The following TBC1D5 variants were observed in gnomAD, a reference collection of about 807,000 sequenced individuals.
TBC1D5 encodes the protein TBC1 domain family, member 5.
A neutral mutation model predicts 100.3 loss-of-function variants in TBC1D5; 75 were observed. The ratio of observed to expected loss-of-function variants is 0.75; its 90% CI spans 0.62 to 0.91. The LOEUF (loss-of-function observed/expected upper bound fraction) is 0.91, where lower values mean the gene tolerates loss of function less well. TBC1D5 is among the 40% of genes least tolerant of loss of function. TBC1D5 has a pLI of 0.00. For synonymous variants in TBC1D5, 323 were observed against 325.6 expected (o/e 0.99, Z 0.09); for missense variants, 910 against 942.4 (o/e 0.97, Z 0.45).
chr3:17,597,946 T>G (rs1456073199), intron 2 of TBC1D5, among the ~76,000 whole-genome samples: 1 of 152,192 alleles, frequency 6.6e-6, no homozygotes, highest in Non-Finnish European at 1.5e-5. Context: ...AGGCTCAAGC[T>G]CTGGATACCA....
chr3:17,521,964 A>G (rs2096068356), intron 2 of TBC1D5, among the ~76,000 whole-genome samples: 1 of 152,148 alleles, frequency 6.6e-6, no homozygotes, highest in African/African-American at 2.4e-5. Flanking sequence ...AGAAACTTCT[A>G]TTAACTTGGA....
intron 3 of TBC1D5, among the ~76,000 whole-genome samples, chr3:17,473,889 C>CTT (rs60817133): frequency 4.8e-5 from 7 of 144,652 alleles, no homozygotes; most frequent in East Asian, 2.0e-4. Context: ...TTTTACTTTA[C>CTT]TTTTTTTTTT....
At chr3:17,625,160 T>G (rs1018254747) in intron 1 of TBC1D5, among the ~76,000 whole-genome samples, 2 of 152,080 alleles carry the variant, frequency 1.3e-5, no homozygotes, top group African/African-American at 4.8e-5. Flanking sequence ...TGGTTAAATA[T>G]TCCACCTATA....
At chr3:17,656,553 A>G (rs2066081637) in intron 1 of TBC1D5, among the ~76,000 whole-genome samples, 1 of 152,162 alleles carries the variant, frequency 6.6e-6, no homozygotes, top group African/African-American at 2.4e-5. Context: ...TCAGATTCCC[A>G]TGAAAGCCCC....
chr3:17,607,518 G>A lies in TBC1D5; in HGVS notation c.-36+16331C>T, dbSNP rs1359347677. ...GAAACCTGCAGTTCTCAGAGATTGCGAAGGAAACAAATCAAGGTTGAGCTT... is the reference window on the plus strand; with the variant it reads ...GAAACCTGCAGTTCTCAGAGATTGCAAAGGAAACAAATCAAGGTTGAGCTT... On this transcript the variant is annotated intron_variant, in intron 2 of 21. Coordinates refer to ENST00000253692, the Ensembl canonical transcript of TBC1D5. Among the ~76,000 whole-genome samples, 65 of 150,012 alleles carry A rather than the reference G, an allele frequency of 4.3e-4. 1 individual carries two copies. Among genetic ancestry groups the A allele is most frequent in the Admixed American group, 4.1e-3 (62 of 15,076 alleles).
At position 17,537,087 on chromosome 3, in the gene TBC1D5, T is replaced by C. The variant is rs182343004; in HGVS notation, c.-35-28482A>G. 2.2e-3 allele frequency among the ~76,000 whole-genome samples: 334 copies of C among 152,348 alleles called. 2 individuals are homozygous for C. Among genetic ancestry groups the C allele is most frequent in the Admixed American group, 4.0e-3 (61 of 15,302 alleles). ...TAAAAAAGATGGCTTTGCAGTGCCA[T>C]TTCAATCTGATGGCCTTATGGCAGC... On this transcript the variant is annotated intron_variant, in intron 2 of 21. Coordinates refer to ENST00000253692, the Ensembl canonical transcript of TBC1D5.
At chr3:17,290,099 C>T (rs761629664) in intron 15 of TBC1D5, among the ~76,000 whole-genome samples, 3 of 152,088 alleles carry the variant, frequency 2.0e-5, no homozygotes, top group Non-Finnish European at 4.4e-5. Context: ...TATTATGTCC[C>T]AGGAATATCA....
intron 17 of TBC1D5, among the ~76,000 whole-genome samples, chr3:17,220,943 GTTTGGA>G (rs2074213350): frequency 6.6e-6 from 1 of 152,078 alleles, no homozygotes; most frequent in African/African-American, 2.4e-5. Flanking sequence ...TCTCTTCAAA[GTTTGGA>G]TTATTGACTT....
At chr3:17,549,025 G>A (rs1213522655) in intron 2 of TBC1D5, among the ~76,000 whole-genome samples, 8 of 152,174 alleles carry the variant, frequency 5.3e-5, no homozygotes, top group Admixed American at 2.0e-4. Flanking sequence ...TGGCCAGGCA[G>A]GGTGGCTCAT....
chr3:17,382,646 A>G (rs777776580), intron 9 of TBC1D5, among the ~76,000 whole-genome samples: 5 of 151,558 alleles, frequency 3.3e-5, no homozygotes, highest in African/African-American at 1.2e-4. Context: ...CTGCAGCCTC[A>G]AACTCCTGGT....
intron 2 of TBC1D5, among the ~76,000 whole-genome samples, chr3:17,546,176 G>A (rs1399285142): frequency 6.6e-6 from 1 of 152,036 alleles, no homozygotes; most frequent in African/African-American, 2.4e-5. Flanking sequence ...AGCAGTGAGG[G>A]TACAAATTGA....
At chr3:17,396,329 T>C (rs994957573) in intron 8 of TBC1D5, among the ~76,000 whole-genome samples, 2 of 152,054 alleles carry the variant, frequency 1.3e-5, no homozygotes, top group South Asian at 4.1e-4. Flanking sequence ...TTTTTTTTTC[T>C]CTTTAACATT....
intron 14 of TBC1D5, among the ~76,000 whole-genome samples, chr3:17,305,969 A>G (rs1408002934): frequency 1.3e-5 from 2 of 152,176 alleles, no homozygotes; most frequent in African/African-American, 4.8e-5. Context: ...ATCACTTACC[A>G]TAGGAAGACT....
At chr3:17,496,511 T>C (rs535024198) in intron 3 of TBC1D5, among the ~76,000 whole-genome samples, 1 of 152,146 alleles carries the variant, frequency 6.6e-6, no homozygotes, top group Non-Finnish European at 1.5e-5. Flanking sequence ...CAATAGGCTA[T>C]ATAAACTATT....
intron 1 of TBC1D5, among the ~76,000 whole-genome samples, chr3:17,663,268 T>TTTAAAATGG (rs146780908): frequency 0.57 from 86,214 of 151,100 alleles, 25,401 homozygotes; most frequent in East Asian, 0.99. Context: ...TACATAAAAA[T>TTTAAAATGG]TTATATGACC....
At chr3:17,229,907 T>C (rs1378998611) in intron 17 of TBC1D5, among the ~76,000 whole-genome samples, 1 of 152,166 alleles carries the variant, frequency 6.6e-6, no homozygotes, top group Non-Finnish European at 1.5e-5. Context: ...TCTGATCTTG[T>C]TTTCAGTCCA....
At chr3:17,524,375 A>G (rs2096103773) in intron 2 of TBC1D5, among the ~76,000 whole-genome samples, 1 of 152,226 alleles carries the variant, frequency 6.6e-6, no homozygotes, top group African/African-American at 2.4e-5. Context: ...CAAAATTACT[A>G]ATGCATCTAA....
intron 16 of TBC1D5, among the ~76,000 whole-genome samples, chr3:17,256,030 G>C (rs748160309): frequency 6.6e-6 from 1 of 151,892 alleles, no homozygotes; most frequent in African/African-American, 2.4e-5. Context: ...AGCGAGACTC[G>C]GTCTCAAAAA....
At chr3:17,273,092 TA>T (rs2079600068) in intron 15 of TBC1D5, among the ~76,000 whole-genome samples, 1 of 152,184 alleles carries the variant, frequency 6.6e-6, no homozygotes, top group East Asian at 1.9e-4. Context: ...ATGCGTACCC[TA>T]AATATGTAAA....
Sources: gnomAD v4.1 joint callset for allele counts (sites outside exome capture counted in the v4.1 genomes callset) on GRCh38, gnomAD v4.1.1 for gene constraint, MANE v1.5 for transcripts, NCBI Gene and HGNC (gene_info 2026-07-23, HGNC 2026-07-21) for gene names.